Variants in DTWD2 observed in about 807,000 individuals in gnomAD.
DTWD2 encodes the protein DTW motif tRNA-uridine aminocarboxypropyltransferase 2.
A neutral mutation model predicts 31.8 loss-of-function variants in DTWD2; 39 were observed. The ratio of observed to expected loss-of-function variants is 1.22; its 90% CI spans 0.95 to 1.60. The LOEUF (loss-of-function observed/expected upper bound fraction) is 1.60. Among genes scored for constraint, DTWD2 ranks in the 40% most tolerant of loss-of-function variants. DTWD2 has a pLI of 0.00. For synonymous variants in DTWD2, 180 were observed against 142.8 expected, an observed-to-expected ratio of 1.26 and a Z score of -1.86; for missense variants, 515 against 381.5, an observed-to-expected ratio of 1.35 and a Z score of -2.92.
intron 1 of DTWD2, among the ~76,000 whole-genome samples, chr5:118,970,025 T>C (rs1754947387): frequency 6.6e-6 from 1 of 151,902 alleles, no homozygotes; most frequent in African/African-American, 2.4e-5. Flanking sequence ...ATATAAGAAA[T>C]TCACAATGCA....
chr5:118,952,480 G>A (rs1260848753), intron 1 of DTWD2, among the ~76,000 whole-genome samples: 3 of 152,098 alleles, frequency 2.0e-5, no homozygotes, highest in Non-Finnish European at 2.9e-5. Context: ...CAGGGGCGGG[G>A]GTCATGAGGT....
intron 1 of DTWD2, among the ~76,000 whole-genome samples, chr5:118,971,225 ATCT>A (rs1444423248): frequency 2.0e-5 from 3 of 152,192 alleles, no homozygotes; most frequent in African/African-American, 7.2e-5. Context: ...TCTGTATGCT[ATCT>A]TCAAGAGACC....
At chr5:118,985,862 G>A (rs550876121) in intron 1 of DTWD2, among the ~76,000 whole-genome samples, 3 of 152,004 alleles carry the variant, frequency 2.0e-5, no homozygotes, top group Admixed American at 6.6e-5. Context: ...AATTTGATGC[G>A]GTTCATTACC....
chr5:118,970,928 G>C (rs1754970246), intron 1 of DTWD2, among the ~76,000 whole-genome samples: 1 of 152,094 alleles, frequency 6.6e-6, no homozygotes, highest in African/African-American at 2.4e-5. Flanking sequence ...TTTCAGACAA[G>C]CAAATGCTGA....
At chr5:118,903,761 T>A (rs1580797028) in intron 4 of DTWD2, among the ~76,000 whole-genome samples, 1 of 152,038 alleles carries the variant, frequency 6.6e-6, no homozygotes, top group African/African-American at 2.4e-5. Flanking sequence ...AAAAAAAAGT[T>A]ACGAGGGGCA....
chr5:118,846,398 T>G (rs550018145), intron 5 of DTWD2, among the ~76,000 whole-genome samples: 16 of 152,230 alleles, frequency 1.1e-4, no homozygotes, highest in African/African-American at 3.8e-4. Flanking sequence ...AAAGATCCAA[T>G]TCCAGTTGTG....
chr5:118,845,287 A>G (rs1751824380), intron 5 of DTWD2, among the ~76,000 whole-genome samples: 1 of 152,224 alleles, frequency 6.6e-6, no homozygotes, highest in South Asian at 2.1e-4. Flanking sequence ...ATTGGGAAAA[A>G]GTGTATGTCA....
chr5:118,907,426 G>A (rs1321788417), intron 4 of DTWD2, among the ~76,000 whole-genome samples: 1 of 152,152 alleles, frequency 6.6e-6, no homozygotes, highest in Non-Finnish European at 1.5e-5. Context: ...TGCAGTGTGA[G>A]CCAGCAGGTT....
At position 118,841,779 on chromosome 5, in the gene DTWD2, A is replaced by T. The variant is rs549824574; in HGVS notation, c.727-692T>A. ...CTGAAGTTATTCAAATTCAAAAATT[A>T]AAAAAAAAACAACACTATGCCAGTG... On this transcript the variant is annotated intron_variant, in intron 5 of 5. Coordinates refer to ENST00000510708, the MANE Select transcript of DTWD2 (RefSeq NM_173666.4). 1.5e-4 allele frequency among the ~76,000 whole-genome samples: 22 copies of T among 149,802 alleles called. No homozygotes were observed. The South Asian group carries it at 4.0e-3, about 27-fold the overall frequency.
chr5:118,887,599 G>A (rs1752894647), intron 4 of DTWD2, among the ~76,000 whole-genome samples: 1 of 152,146 alleles, frequency 6.6e-6, no homozygotes, highest in African/African-American at 2.4e-5. Flanking sequence ...TGAACTTCTA[G>A]ATGTTTTTGT....
At chr5:118,890,324 C>T (rs1416164849) in intron 4 of DTWD2, among the ~76,000 whole-genome samples, 2 of 152,100 alleles carry the variant, frequency 1.3e-5, no homozygotes, top group Non-Finnish European at 2.9e-5. Context: ...CTTATATATA[C>T]TTCAGTAATT....
intron 3 of DTWD2, among the ~76,000 whole-genome samples, chr5:118,933,935 G>A (rs1753980274): frequency 6.7e-6 from 1 of 149,874 alleles, no homozygotes; most frequent in Non-Finnish European, 1.5e-5. Context: ...TAACCTCCAA[G>A]AACAAGTAAA....
chr5:118,885,258 C>A (rs2149556774), intron 4 of DTWD2, among the ~76,000 whole-genome samples: 1 of 151,546 alleles, frequency 6.6e-6, no homozygotes, highest in Non-Finnish European at 1.5e-5. Context: ...TCGAGACCAT[C>A]CTGGCCAACA....
chr5:118,904,709 A>T (rs1753288508), intron 4 of DTWD2, among the ~76,000 whole-genome samples: 2 of 152,136 alleles, frequency 1.3e-5, no homozygotes. Context: ...AAAGAGGGAG[A>T]ATATGGCAAG....
At chr5:118,895,071 ATT>A (rs1220809352) in intron 4 of DTWD2, among the ~76,000 whole-genome samples, 1 of 152,168 alleles carries the variant, frequency 6.6e-6, no homozygotes, top group Non-Finnish European at 1.5e-5. Context: ...GTCAAGTCAA[ATT>A]AGCCTTGTTT....
intron 4 of DTWD2, among the ~76,000 whole-genome samples, chr5:118,920,038 G>A (rs1440928669): frequency 6.6e-6 from 1 of 151,574 alleles, no homozygotes; most frequent in African/African-American, 2.4e-5. Context: ...AATGTAACAT[G>A]CTTGAACCAT....
At chr5:118,945,467 A>G (rs1380129271) in intron 1 of DTWD2, among the ~76,000 whole-genome samples, 1 of 152,148 alleles carries the variant, frequency 6.6e-6, no homozygotes, top group African/African-American at 2.4e-5. Flanking sequence ...ATATGCATTT[A>G]TAATATGAAA....
At chr5:118,905,012 CAT>C (rs762787071) in intron 4 of DTWD2, among the ~76,000 whole-genome samples, 4 of 152,064 alleles carry the variant, frequency 2.6e-5, no homozygotes, top group Non-Finnish European at 5.9e-5. Context: ...ACTTCCAAAG[CAT>C]ATTTGATAAT....
intron 5 of DTWD2, among the ~76,000 whole-genome samples, chr5:118,842,091 C>T (rs1263702805): frequency 6.6e-6 from 1 of 152,018 alleles, no homozygotes; most frequent in African/African-American, 2.4e-5. Flanking sequence ...ATCTGTAATC[C>T]CAGCATTTTG....
Sources: allele counts gnomAD v4.1 joint callset (sites outside exome capture counted in the v4.1 genomes callset), GRCh38; gene constraint gnomAD v4.1.1; transcripts MANE v1.5; gene names NCBI Gene and HGNC (gene_info 2026-07-23, HGNC 2026-07-21).